Variants in NSMCE2 observed in about 807,000 individuals in gnomAD.
The protein encoded by NSMCE2 is E3 SUMO-protein ligase NSE2.
A neutral mutation model predicts 23.8 loss-of-function variants in NSMCE2; 24 were observed. That is an observed-to-expected ratio of 1.01 (90% CI 0.73 to 1.42). The LOEUF (loss-of-function observed/expected upper bound fraction) is 1.42. Ranked by LOEUF, NSMCE2 falls within the 40% of genes most tolerant of loss-of-function variation. The pLI, the probability that NSMCE2 is intolerant of heterozygous loss-of-function variation, is 0.00. For synonymous variants in NSMCE2, 92 were observed against 94.1 expected, an observed-to-expected ratio of 0.98 and a Z score of 0.13; for missense variants, 284 against 296.5, an observed-to-expected ratio of 0.96 and a Z score of 0.31.
chr8:125,298,408 A>G (rs1828412418), intron 5 of NSMCE2, among the ~76,000 whole-genome samples: 1 of 152,252 alleles, frequency 6.6e-6, no homozygotes, highest in South Asian at 2.1e-4. Context: ...AGACACAGTT[A>G]AGACACTTGC....
At chr8:125,196,367 T>C (rs978643136) in intron 5 of NSMCE2, among the ~76,000 whole-genome samples, 7 of 152,168 alleles carry the variant, frequency 4.6e-5, no homozygotes, top group Middle Eastern at 6.8e-3. Context: ...CCCTACTCCC[T>C]GACAAGCCGT....
At chr8:125,153,807 G>C (rs1050690519) in intron 4 of NSMCE2, among the ~76,000 whole-genome samples, 1 of 152,160 alleles carries the variant, frequency 6.6e-6, no homozygotes, top group Non-Finnish European at 1.5e-5. Context: ...GGGGCTGTAA[G>C]ATAATATATT....
rs1828541778 is a variant in NSMCE2, at chr8:125,301,012, G to A, written c.419-56207G>A. ...CGTTCCATCCTATCATTATTTGACT[G>A]CTCAGTTATTTCTGTGTCACAATCA... On this transcript the variant is annotated intron_variant, in intron 5 of 7. Coordinates refer to ENST00000287437, the MANE Select transcript of NSMCE2 (RefSeq NM_173685.4). 1.3e-5 allele frequency among the ~76,000 whole-genome samples: 2 copies of A among 152,120 alleles called. 1 individual carries two copies. The highest frequency in any genetic ancestry group is 4.1e-4 in the South Asian group (2 of 4,822).
intron 7 of NSMCE2, among the ~76,000 whole-genome samples, chr8:125,362,413 G>T (rs903512607): frequency 6.6e-6 from 1 of 152,142 alleles, no homozygotes; most frequent in African/African-American, 2.4e-5. Flanking sequence ...ACAAAATGTC[G>T]TTAGCACCCC....
intron 4 of NSMCE2, among the ~76,000 whole-genome samples, chr8:125,181,578 G>A (rs978499138): frequency 6.6e-6 from 1 of 152,048 alleles, no homozygotes; most frequent in Non-Finnish European, 1.5e-5. Context: ...TGAGAATTTA[G>A]CCTTGAACAG....
intron 7 of NSMCE2, among the ~76,000 whole-genome samples, chr8:125,365,653 C>A (rs1190845189): frequency 6.6e-6 from 1 of 151,918 alleles, no homozygotes; most frequent in Non-Finnish European, 1.5e-5. Context: ...GTCAGGAGTT[C>A]GAGACCAGCC....
At position 125,357,598 on chromosome 8, in the gene NSMCE2, A is replaced by G. The variant is rs1484135718; in HGVS notation, c.520-114A>G. 1.2e-5 allele frequency: 9 copies of G among 767,914 alleles called. No individual in the cohort carries two copies. The East Asian group carries it at 1.7e-4, about 15-fold the overall frequency. 47.6% of individuals were successfully genotyped at this position (767,914 alleles called of 1,614,324 possible). The stretch of plus-strand genomic sequence containing the variant: ...TTTCCTTATCTAAAGCCTAGTAATT[A>G]TGTAAAGCCATGAGAATGGGAAGTT... On this transcript the variant is annotated intron_variant, in intron 6 of 7. Transcript: ENST00000287437.
At chr8:125,219,876 G>A (rs1160193882) in intron 5 of NSMCE2, among the ~76,000 whole-genome samples, 1 of 152,176 alleles carries the variant, frequency 6.6e-6, no homozygotes, top group African/African-American at 2.4e-5. Context: ...TGACATTACT[G>A]GACAAGATGG....
chr8:125,112,318 AT>A (rs1196945406), intron 3 of NSMCE2, among the ~76,000 whole-genome samples: 1 of 152,252 alleles, frequency 6.6e-6, no homozygotes, highest in Non-Finnish European at 1.5e-5. Context: ...CAGTACAGTC[AT>A]TATGGAAAAC....
At chr8:125,196,505 A>G (rs931188219) in intron 5 of NSMCE2, among the ~76,000 whole-genome samples, 1 of 152,192 alleles carries the variant, frequency 6.6e-6, no homozygotes, top group East Asian at 1.9e-4. Context: ...TTCCAGCTTC[A>G]TCCATGTCCC....
chr8:125,135,656 T>A (rs57876250), intron 3 of NSMCE2, among the ~76,000 whole-genome samples: 4,537 of 152,292 alleles, frequency 0.03, 229 homozygotes, highest in African/African-American at 0.1. Context: ...GCACCATTTG[T>A]TGCTGAAGAC....
chr8:125,282,442 T>A (rs1254510542), intron 5 of NSMCE2, among the ~76,000 whole-genome samples: 1 of 152,224 alleles, frequency 6.6e-6, no homozygotes, highest in Non-Finnish European at 1.5e-5. Flanking sequence ...ATATTAGCTA[T>A]TGATTGAAAT....
At chr8:125,192,809 A>G (rs956305621) in intron 5 of NSMCE2, among the ~76,000 whole-genome samples, 1 of 152,188 alleles carries the variant, frequency 6.6e-6, no homozygotes, top group Non-Finnish European at 1.5e-5. Context: ...GTCCTCACAT[A>G]GGGGAAAGGC....
chr8:125,205,647 G>A (rs960066200), intron 5 of NSMCE2, among the ~76,000 whole-genome samples: 12 of 152,238 alleles, frequency 7.9e-5, no homozygotes, highest in African/African-American at 2.6e-4. Flanking sequence ...GAGAAGCAGC[G>A]AGCTATTCTT....
At chr8:125,268,754 G>A (rs1249275603) in intron 5 of NSMCE2, among the ~76,000 whole-genome samples, 4 of 152,182 alleles carry the variant, frequency 2.6e-5, no homozygotes, top group Non-Finnish European at 5.9e-5. Context: ...GGAGGTGTAA[G>A]ATCCCATAGC....
At chr8:125,269,097 G>GA (rs1827069551) in intron 5 of NSMCE2, among the ~76,000 whole-genome samples, 1 of 151,674 alleles carries the variant, frequency 6.6e-6, no homozygotes, top group Non-Finnish European at 1.5e-5. Flanking sequence ...TTTTTTGTTT[G>GA]TTTTTTTGAG....
rs549855709 is a variant in NSMCE2 at position 125,183,661 on chromosome 8, G to GTGTA, written c.418+1406_418+1407insGTAT. Among the ~76,000 whole-genome samples, 18 of 151,660 alleles carry GTGTA rather than the reference G, an allele frequency of 1.2e-4. No individual in the cohort carries two copies. The East Asian group carries it at 3.3e-3, about 28-fold the overall frequency. Reference sequence around the variant, plus strand: ...TGTGTGTGTGTGTGTGTGTGTGTGTGTATAGTATCTGGCACATGGACCTGT... The same window carrying GTGTA: ...TGTGTGTGTGTGTGTGTGTGTGTGTGTGTATATAGTATCTGGCACATGGACCTGT... On this transcript the variant is annotated intron_variant, in intron 5 of 7. Coordinates refer to ENST00000287437, the MANE Select transcript of NSMCE2 (RefSeq NM_173685.4).
At chr8:125,335,636 G>A (rs1375644967) in intron 5 of NSMCE2, among the ~76,000 whole-genome samples, 1 of 152,208 alleles carries the variant, frequency 6.6e-6, no homozygotes, top group African/African-American at 2.4e-5. Flanking sequence ...AACCACACAA[G>A]CTCTCTCAGT....
At chr8:125,144,126 T>C (rs1156638276) in intron 3 of NSMCE2, among the ~76,000 whole-genome samples, 19 of 152,186 alleles carry the variant, frequency 1.2e-4, no homozygotes, top group Admixed American at 1.0e-3. Context: ...TGAGGGATCT[T>C]ATTTGGCTCT....
Sources: gnomAD v4.1 joint callset for allele counts (sites outside exome capture counted in the v4.1 genomes callset) on GRCh38, gnomAD v4.1.1 for gene constraint, MANE v1.5 for transcripts, NCBI Gene and HGNC (gene_info 2026-07-23, HGNC 2026-07-21) for gene names.